The following USP30 variants were observed in gnomAD, a reference collection of about 807,000 sequenced individuals.
The protein encoded by USP30 is ubiquitin specific peptidase 30.
Under a neutral mutation model 68.2 loss-of-function variants are expected in USP30, and 41 were observed. That is an observed-to-expected ratio of 0.60 (90% CI 0.47 to 0.78). The LOEUF is 0.78. USP30 is among the 30% of genes least tolerant of loss of function. The pLI is 0.00. For synonymous variants in USP30, 229 were observed against 253.7 expected (o/e 0.90, Z 0.93); for missense variants, 522 against 649.4 (o/e 0.80, Z 2.13).
intron 3 of USP30, among the ~76,000 whole-genome samples, chr12:109,044,342 A>G (rs2040585584): frequency 6.6e-6 from 1 of 152,184 alleles, no homozygotes; most frequent in Admixed American, 6.5e-5. Flanking sequence ...TGAACTGCAC[A>G]CTTAAGAATG....
chr12:109,039,618 A>AT lies in USP30; in HGVS notation c.-135-7961dup, dbSNP rs112211712. Reference sequence around the variant, plus strand: ...TCTTATTACTAAGTGATAAGAATCCATTTTTTTTTTTGAGATGGAATCTCA... The same window carrying AT: ...TCTTATTACTAAGTGATAAGAATCCATTTTTTTTTTTTGAGATGGAATCTCA... On this transcript the variant is annotated intron_variant, in intron 3 of 15. Coordinates refer to the USP30 transcript ENST00000392784. 1.3e-3 allele frequency among the ~76,000 whole-genome samples: 188 copies of AT among 148,024 alleles called. 1 individual carries two copies. Among genetic ancestry groups the AT allele is most frequent in the South Asian group, 2.8e-3 (13 of 4,652 alleles).
At chr12:109,041,348 T>C (rs763299821) in intron 3 of USP30, among the ~76,000 whole-genome samples, 1 of 152,036 alleles carries the variant, frequency 6.6e-6, no homozygotes, top group Non-Finnish European at 1.5e-5. Flanking sequence ...TTTAAGAAAA[T>C]GAATATGGCC....
chr12:109,043,615 T>A (rs11837724), intron 3 of USP30, among the ~76,000 whole-genome samples: 7,484 of 152,174 alleles, frequency 0.049, 595 homozygotes, highest in African/African-American at 0.17. Context: ...CCTAAAATGA[T>A]AAAACTCTTG....
chr12:109,084,229 A>AAC (rs549474957), intron 11 of USP30, among the ~76,000 whole-genome samples: 2 of 152,198 alleles, frequency 1.3e-5, no homozygotes, highest in African/African-American at 4.8e-5. Flanking sequence ...TCCTGTCTAA[A>AAC]ACACACACAA....
chr12:109,033,767 C>T (rs2040499002), intron 3 of USP30, among the ~76,000 whole-genome samples: 1 of 152,146 alleles, frequency 6.6e-6, no homozygotes, highest in Non-Finnish European at 1.5e-5. Flanking sequence ...GACTTTGCCA[C>T]AGAAGCTGGT....
chr12:109,083,043 G>T lies in USP30; in HGVS notation c.1149G>T (p.Gly383=). ...NPGPTLELQD[G]PGAPTPVLNQ... is the part of the protein sequence containing the mutation. ...GGCCTACACTGGAGCTGCAGGATGG[G>T]CCGGGAGCCCCCACACCAGGTGTGT... The change falls in exon 11 of 13, where the codon GGG becomes GGT. Residue 383 remains glycine (G), a synonymous_variant. Transcript: ENST00000257548. 1.2e-6 allele frequency: 2 copies of T among 1,611,108 alleles called. No homozygotes were observed. The highest frequency in any genetic ancestry group is 1.7e-6 in the Non-Finnish European group (2 of 1,178,414).
upstream of USP30, among the ~76,000 whole-genome samples, chr12:109,051,382 G>C (rs371471606): frequency 7.4e-5 from 11 of 149,314 alleles, no homozygotes; most frequent in African/African-American, 2.7e-4. Flanking sequence ...TCAGCCTCCC[G>C]AGTAGCTGGG....
At chr12:109,072,278 T>C in intron 5 of USP30, 27 bp from the exon 6 acceptor site, 1 of 1,608,520 alleles carries the variant, frequency 6.2e-7, no homozygotes, top group Non-Finnish European at 8.5e-7. Context: ...AGGTTTTCAG[T>C]CTGTTTTTTT....
In USP30 at chr12:109,087,942, T is replaced by G. The variant is rs1377199719; in HGVS notation, c.*2011T>G. 2.4e-5 allele frequency: 6 copies of G among 249,990 alleles called. No homozygotes were observed. The highest frequency in any genetic ancestry group is 1.1e-4 in the African/African-American group (5 of 44,908). 15.5% of individuals were successfully genotyped at this position (249,990 alleles called of 1,614,324 possible). A position where few individuals can be genotyped will look rare whatever the true frequency, so the allele number is the denominator to read the frequency against. The stretch of plus-strand genomic sequence containing the variant: ...AAACTAGTAGTTTTGCCATAATAAC[T>G]GCTGATTTATGTATTTGCTAAAGGT... On this transcript the variant is annotated 3_prime_UTR_variant, in exon 13 of 13. Coordinates refer to ENST00000257548, the MANE Select transcript of USP30 (RefSeq NM_032663.5).
At chr12:109,080,334 C>T (rs531023198) in intron 7 of USP30, among the ~76,000 whole-genome samples, 6 of 152,320 alleles carry the variant, frequency 3.9e-5, no homozygotes, top group African/African-American at 1.2e-4. Flanking sequence ...CACAAACACA[C>T]AAATCTCGCC....
chr12:109,071,462 CAT>C, intron 4 of USP30, 148 bp from the exon 5 acceptor site: 1 of 616,446 alleles, frequency 1.6e-6, no homozygotes, highest in South Asian at 1.9e-5. Context: ...GTGTCCAGGA[CAT>C]AACTGTTTTC....
At chr12:109,078,067 T>C (rs1325032515) in intron 7 of USP30, among the ~76,000 whole-genome samples, 1 of 152,206 alleles carries the variant, frequency 6.6e-6, no homozygotes, top group Non-Finnish European at 1.5e-5. Context: ...GGAAGTGGTA[T>C]TGCTAGTTCA....
chr12:109,032,768 C>A (rs79538094), intron 3 of USP30, among the ~76,000 whole-genome samples: 4,311 of 152,240 alleles, frequency 0.028, 212 homozygotes, highest in African/African-American at 0.098. Context: ...CTTTAAAAAA[C>A]CCCTATTAAA....
At chr12:109,057,867 G>A in intron 2 of USP30, 59 bp from the exon 3 acceptor site, 1 of 1,542,684 alleles carries the variant, frequency 6.5e-7, no homozygotes, top group Non-Finnish European at 8.8e-7. Flanking sequence ...GTCCCACATG[G>A]GAGAGAAATT....
rs779918926 is a variant in USP30 at position 109,083,106 on chromosome 12, A to G, written c.1168+44A>G. 3 of 1,541,536 alleles carry G rather than the reference A, an allele frequency of 1.9e-6. No individual in the cohort carries two copies. In the South Asian group the frequency reaches 3.8e-5, roughly 20 times the overall value. ...CCGATGCAGCAGGAATTTTCAGCAC[A>G]GAGAAAAGCAGTTTGGCATCACCAC... On this transcript the variant is annotated intron_variant, in intron 11 of 12. Coordinates refer to ENST00000257548, the MANE Select transcript of USP30 (RefSeq NM_032663.5).
At chr12:109,052,948 CG>C (rs1305072221) in intron 1 of USP30, 187 bp downstream of exon 1, 6 of 491,978 alleles carry the variant, frequency 1.2e-5, no homozygotes, top group Non-Finnish European at 2.0e-5. Flanking sequence ...TCCAGTCCTT[CG>C]GCAACACCAA....
At chr12:109,047,362 G>T (rs1173417427) in intron 3 of USP30, among the ~76,000 whole-genome samples, 1 of 152,010 alleles carries the variant, frequency 6.6e-6, no homozygotes, top group Admixed American at 6.5e-5. Flanking sequence ...GGATCAATGG[G>T]AAAAAACAAG....
At chr12:109,053,889 C>T in intron 1 of USP30, 1 of 381,280 alleles carries the variant, frequency 2.6e-6, no homozygotes, top group South Asian at 2.0e-5. Flanking sequence ...TCTTGAACTT[C>T]GTGGTTTTAA....
At chr12:109,073,898 G>A (rs1393754253) in intron 7 of USP30, among the ~76,000 whole-genome samples, 1 of 152,046 alleles carries the variant, frequency 6.6e-6, no homozygotes, top group Admixed American at 6.6e-5. Context: ...AGAGAGAATT[G>A]TACAACTGTC....
Sources: allele counts gnomAD v4.1 joint callset (sites outside exome capture counted in the v4.1 genomes callset), GRCh38; gene constraint gnomAD v4.1.1; transcripts MANE v1.5; gene names NCBI Gene and HGNC (gene_info 2026-07-23, HGNC 2026-07-21).